CABIN1: variants seen among roughly 807,000 people sequenced by gnomAD.
The protein encoded by CABIN1 is calcineurin-binding protein cabin-1.
Under a neutral mutation model 227.7 loss-of-function variants are expected in CABIN1, and 133 were observed. The observed-to-expected ratio is 0.58, with a 90% confidence interval of 0.51 to 0.67. The LOEUF is 0.67. CABIN1 is among the 30% of genes least tolerant of loss of function. The pLI, the probability that CABIN1 is intolerant of heterozygous loss-of-function variation, is 0.00. For synonymous variants in CABIN1, 1,086 were observed against 1,155.1 expected (o/e 0.94, Z 1.21); for missense variants, 2,408 against 2,852.5 (o/e 0.84, Z 3.55).
chr22:24,157,129 C>T lies in CABIN1; in HGVS notation c.4747-7271C>T, dbSNP rs141531365. ...CCCTGGTGGCCTGTGTACAACCCTGCGGCCAGAGAGGCCCGCCCTGATAGG... is the reference window on the plus strand; with the variant it reads ...CCCTGGTGGCCTGTGTACAACCCTGTGGCCAGAGAGGCCCGCCCTGATAGG... On this transcript the variant is annotated intron_variant, in intron 29 of 36. Transcript: ENST00000263119. Among the ~76,000 whole-genome samples the T allele has an allele frequency of 5.8e-4, 88 of 152,266 alleles. 1 individual carries two copies. The East Asian group carries it at 0.016, about 27-fold the overall frequency.
At chr22:24,056,959 C>T (rs1195064098) in intron 10 of CABIN1, among the ~76,000 whole-genome samples, 2 of 151,266 alleles carry the variant, frequency 1.3e-5, no homozygotes, top group East Asian at 1.9e-4. Flanking sequence ...TTTTTTGAGA[C>T]GGAGTCTTGA....
chr22:24,084,676 C>T lies in CABIN1; in HGVS notation c.3008C>T (p.Ala1003Val), dbSNP rs548618482. The change falls in exon 21 of 37, where the codon GCT becomes GTT. Residue 1003 changes from alanine (A) to valine (V), a missense_variant. Transcript: ENST00000263119. ...FDSYKTSTVSADLANLLKRIA... is the reference protein window; with the variant it reads ...FDSYKTSTVSVDLANLLKRIA... ...AGCTATAAGACCAGCACCGTGTCTG[C>T]TGACTTGGCCAACCTACTGAAGAGA... The T allele has an allele frequency of 1.2e-6, 2 of 1,614,082 alleles. No homozygotes were observed. Among genetic ancestry groups the T allele is most frequent in the Non-Finnish European group, 1.7e-6 (2 of 1,180,026 alleles).
chr22:24,083,402 C>T lies in CABIN1; in HGVS notation c.2910+13C>T, dbSNP rs1192747692. ...CTCGGCCCAGCAGGTGAGGGTGCTGCAATAGGCCCAACAAAGAGGGAAGCA... is the reference window on the plus strand; with the variant it reads ...CTCGGCCCAGCAGGTGAGGGTGCTGTAATAGGCCCAACAAAGAGGGAAGCA... On this transcript the variant is annotated intron_variant, in intron 20 of 36. Coordinates refer to ENST00000263119, the MANE Select transcript of CABIN1 (RefSeq NM_012295.4). The T allele has an allele frequency of 1.2e-6, 2 of 1,613,636 alleles. No individual in the cohort carries two copies. The highest frequency in any genetic ancestry group is 1.3e-5 in the African/African-American group (1 of 75,034).
chr22:24,132,224 A>G (rs997294312), intron 28 of CABIN1, among the ~76,000 whole-genome samples: 1 of 152,204 alleles, frequency 6.6e-6, no homozygotes, highest in African/African-American at 2.4e-5. Context: ...GCACTGATGC[A>G]GGTTGTGAGC....
intron 29 of CABIN1, among the ~76,000 whole-genome samples, chr22:24,143,797 C>G (rs192871466): frequency 3.9e-5 from 6 of 152,286 alleles, no homozygotes; most frequent in African/African-American, 1.4e-4. Flanking sequence ...GCTCTGCAGG[C>G]TGGGAAAACC....
chr22:24,072,166 T>C (rs1569167259), intron 17 of CABIN1, among the ~76,000 whole-genome samples, 188 bp from the exon 18 acceptor site: 3 of 152,182 alleles, frequency 2.0e-5, no homozygotes, highest in African/African-American at 4.8e-5. Context: ...GTGACTATCA[T>C]TGGACACTAT....
At chr22:24,174,563 A>G (rs1348836382) in intron 34 of CABIN1, among the ~76,000 whole-genome samples, 1 of 152,096 alleles carries the variant, frequency 6.6e-6, no homozygotes, top group Non-Finnish European at 1.5e-5. Context: ...GCCTTGTACC[A>G]GTCCCATGCT....
At chr22:24,176,405 G>A in intron 35 of CABIN1, 130 bp downstream of exon 35, 1 of 1,054,192 alleles carries the variant, frequency 9.5e-7, no homozygotes, top group African/African-American at 1.6e-5. Flanking sequence ...GAGATGGGGA[G>A]GAAATGGGGG....
chr22:24,017,181 C>T (rs1462649048), intron 1 of CABIN1, among the ~76,000 whole-genome samples: 7 of 151,692 alleles, frequency 4.6e-5, no homozygotes, highest in Non-Finnish European at 8.8e-5. Flanking sequence ...GGACTACAGG[C>T]GCGTGCCACC....
Position 24,091,739 on chromosome 22 carries a change from C to A in CABIN1, c.3682C>A (p.Leu1228Met). 1 of 1,614,176 alleles carries A rather than the reference C, an allele frequency of 6.2e-7. No individual in the cohort carries two copies. The highest frequency in any genetic ancestry group is 8.5e-7 in the Non-Finnish European group (1 of 1,180,024). Residue 1228 changes from leucine to methionine, a missense_variant, in exon 24 of 37, where the codon CTG becomes ATG. Around this residue, in one of 3 missense-constraint regions of CABIN1, gnomAD observed 649 missense variants for 910.3 expected, o/e 0.71. Coordinates refer to ENST00000263119, the MANE Select transcript of CABIN1 (RefSeq NM_012295.4). Reference protein sequence around the residue: ...KQQQPPTVYLLHYRQAGHYLH... With the variant: ...KQQQPPTVYLMHYRQAGHYLH... ...GCAGCAGCCACCCACCGTTTACTTG[C>A]TGCACTACAGGCAGGCTGGCCACTA...
At chr22:24,169,049 A>G (rs7285860) in intron 33 of CABIN1, among the ~76,000 whole-genome samples, 3,349 of 152,112 alleles carry the variant, frequency 0.022, 147 homozygotes, top group African/African-American at 0.075. Context: ...GGGTTAGTGC[A>G]AGGTCCAGGC....
intron 1 of CABIN1, among the ~76,000 whole-genome samples, chr22:24,012,117 A>G (rs1477158732): frequency 2.0e-5 from 3 of 152,204 alleles, no homozygotes; most frequent in East Asian, 3.8e-4. Context: ...ACATTGTTAT[A>G]TTGTAAGTAT....
chr22:24,162,085 G>A (rs541962442), intron 29 of CABIN1: 7 of 152,420 alleles, frequency 4.6e-5, no homozygotes, highest in Admixed American at 1.3e-4. Context: ...TCCACCTGGT[G>A]TAGGCAGAAA....
intron 29 of CABIN1, among the ~76,000 whole-genome samples, chr22:24,151,342 G>A (rs1049905784): frequency 6.6e-6 from 1 of 152,076 alleles, no homozygotes; most frequent in African/African-American, 2.4e-5. Context: ...AATTCTCCCT[G>A]CCCCCATTGC....
At chr22:24,127,214 G>A (rs568993994) in intron 28 of CABIN1, among the ~76,000 whole-genome samples, 45 of 152,252 alleles carry the variant, frequency 3.0e-4, no homozygotes, top group African/African-American at 1.1e-3. Context: ...AACTTACACA[G>A]GCCCAGGCAG....
intron 29 of CABIN1, chr22:24,156,665 G>A (rs1471145244): frequency 6.6e-6 from 1 of 152,264 alleles, no homozygotes; most frequent in Admixed American, 6.5e-5. Context: ...ACAGGAAGAT[G>A]GTTCCAGCCC....
In CABIN1 at chr22:24,071,058, T is replaced by G; in HGVS notation, c.2475+16T>G. 2 of 1,614,202 alleles carry G rather than the reference T, an allele frequency of 1.2e-6. No individual in the cohort carries two copies. Among genetic ancestry groups the G allele is most frequent in the Non-Finnish European group, 1.7e-6 (2 of 1,180,016 alleles). ...CCTCATCCAGGTAACCCCTGGCTCC[T>G]TCTCACCCTGCCCTGCCCCAGCAGG... On this transcript the variant is annotated intron_variant, in intron 17 of 36. Transcript: ENST00000263119.
rs142452636 is a variant in CABIN1, at chr22:24,149,945, C to T, written c.4747-14455C>T. ...CGGCTTAGGCCCAGACTCCATACAG[C>T]CCAGCCAGGCAGGCACATGAGGCCT... On this transcript the variant is annotated intron_variant, in intron 29 of 36. Coordinates refer to ENST00000263119, the MANE Select transcript of CABIN1 (RefSeq NM_012295.4). Among the ~76,000 whole-genome samples the T allele has an allele frequency of 5.4e-4, 83 of 152,380 alleles. 1 individual carries two copies. The East Asian group carries it at 0.011, about 21-fold the overall frequency.
At chr22:24,032,791 C>G (rs2036586809) in intron 1 of CABIN1, among the ~76,000 whole-genome samples, 1 of 152,132 alleles carries the variant, frequency 6.6e-6, no homozygotes, top group African/African-American at 2.4e-5. Flanking sequence ...TCTGGCCAGG[C>G]ATGGTGGCTC....
Sources: allele counts gnomAD v4.1 joint callset (sites outside exome capture counted in the v4.1 genomes callset), GRCh38; gene constraint gnomAD v4.1.1; regional missense constraint gnomAD v4.1.1; transcripts MANE v1.5; gene names NCBI Gene and HGNC (gene_info 2026-07-23, HGNC 2026-07-21).